Variants in COL23A1 observed in about 807,000 individuals in gnomAD.
COL23A1 encodes the protein collagen type XXIII alpha 1 chain.
COL23A1 carries 97 observed loss-of-function variants against 99.3 expected under a neutral mutation model. The ratio of observed to expected loss-of-function variants is 0.98; its 90% CI spans 0.83 to 1.16. The LOEUF (loss-of-function observed/expected upper bound fraction) is 1.16. Among genes scored for constraint, COL23A1 ranks in the 50% most tolerant of loss-of-function variants. The pLI, the probability that COL23A1 is intolerant of heterozygous loss-of-function variation, is 0.00. For synonymous variants in COL23A1, 320 were observed against 308.2 expected (o/e 1.04, Z -0.40); for missense variants, 762 against 757.4 (o/e 1.01, Z -0.07).
At chr5:178,258,440 A>G (rs775031447) in intron 12 of COL23A1, among the ~76,000 whole-genome samples, 25 of 117,280 alleles carry the variant, frequency 2.1e-4, no homozygotes, top group Non-Finnish European at 3.8e-4. Context: ...TCTGTCGCCC[A>G]GGTTGGAGTG....
At chr5:178,358,066 TTG>T (rs1203639754) in intron 2 of COL23A1, among the ~76,000 whole-genome samples, 3 of 141,500 alleles carry the variant, frequency 2.1e-5, no homozygotes, top group Non-Finnish European at 4.6e-5. Context: ...TGTATGTGTA[TTG>T]TGTGTATGTG....
At chr5:178,496,897 C>T (rs974415582) in intron 2 of COL23A1, among the ~76,000 whole-genome samples, 1 of 152,198 alleles carries the variant, frequency 6.6e-6, no homozygotes, top group Non-Finnish European at 1.5e-5. Flanking sequence ...ATAAAAAACA[C>T]AGTGACTAAT....
At chr5:178,465,920 G>C (rs1490274429) in intron 2 of COL23A1, among the ~76,000 whole-genome samples, 2 of 152,198 alleles carry the variant, frequency 1.3e-5, no homozygotes, top group African/African-American at 4.8e-5. Flanking sequence ...CGGATGGCGA[G>C]TCTAACTCAG....
chr5:178,402,855 T>C (rs1046104953), intron 2 of COL23A1, among the ~76,000 whole-genome samples: 2 of 151,930 alleles, frequency 1.3e-5, no homozygotes, highest in African/African-American at 4.8e-5. Flanking sequence ...ATTTGAAAAA[T>C]TCAGAAATAG....
chr5:178,502,404 T>C (rs1470394665), intron 2 of COL23A1, among the ~76,000 whole-genome samples: 1 of 152,366 alleles, frequency 6.6e-6, no homozygotes, highest in South Asian at 2.1e-4. Context: ...GTGCTGGGAT[T>C]ACAGGCGTGA....
At chr5:178,250,132 G>T in intron 17 of COL23A1, 27 bp from the exon 18 acceptor site, 1 of 1,613,906 alleles carries the variant, frequency 6.2e-7, no homozygotes, top group South Asian at 1.1e-5. Flanking sequence ...GGCAAGAGGG[G>T]TTATGCCTTC....
intron 25 of COL23A1, among the ~76,000 whole-genome samples, chr5:178,243,556 G>T (rs913022161): frequency 6.6e-6 from 1 of 152,060 alleles, no homozygotes. Flanking sequence ...TTGTTCACGT[G>T]TAACGGGGCA....
intron 2 of COL23A1, among the ~76,000 whole-genome samples, chr5:178,552,287 G>A (rs56187286): frequency 7.3e-4 from 111 of 152,230 alleles, no homozygotes; most frequent in Admixed American, 1.2e-3. Flanking sequence ...AAATAGGGTA[G>A]GAGAGACGAA....
chr5:178,443,018 T>C (rs1228634145), intron 2 of COL23A1: 1 of 152,242 alleles, frequency 6.6e-6, no homozygotes, highest in African/African-American at 2.4e-5. Flanking sequence ...CCTGAAAGGT[T>C]TGAAGCAGCT....
Position 178,310,190 on chromosome 5 carries a change from G to A in COL23A1, c.362-3271C>T, listed in dbSNP as rs1280024345. 1.3e-5 allele frequency among the ~76,000 whole-genome samples: 2 copies of A among 152,192 alleles called. No homozygotes were observed. Among genetic ancestry groups the A allele is most frequent in the African/African-American group, 2.4e-5 (1 of 41,446 alleles). On this transcript the variant is annotated intron_variant, in intron 2 of 28. Transcript: ENST00000390654. This position sits in a 1 kb window ranked among gnomAD's most constrained non-coding sequence, Gnocchi z 4.3. ...CGAGTGTGCCGGAGCTGCACTCCCT[G>A]CTGACTGTGGGCTCCCACTCCACTG...
chr5:178,438,963 T>G (rs1766713143), intron 2 of COL23A1: 1 of 152,212 alleles, frequency 6.6e-6, no homozygotes, highest in Non-Finnish European at 1.5e-5. Flanking sequence ...AGCACTTTAG[T>G]AGTTTGTAAA....
intron 16 of COL23A1, among the ~76,000 whole-genome samples, chr5:178,253,829 G>A (rs554294295): frequency 1.3e-5 from 2 of 152,050 alleles, no homozygotes; most frequent in African/African-American, 4.8e-5. Context: ...ATGGCTGCCC[G>A]CTGCCCATCA....
chr5:178,365,191 T>C lies in COL23A1; in HGVS notation c.362-58272A>G, dbSNP rs1217885483. On this transcript the variant is annotated intron_variant, in intron 2 of 28. Coordinates refer to ENST00000390654, the MANE Select transcript of COL23A1 (RefSeq NM_173465.4). This position sits in a 1 kb window ranked among gnomAD's most constrained non-coding sequence, Gnocchi z 5.2. ...TGTGTGATAAATAAGCAAAATTGTT[T>C]TCCTGGGACTCCATCCAGGAACATT... 6.6e-6 allele frequency among the ~76,000 whole-genome samples: 1 copy of C among 150,648 alleles called. No homozygotes were observed. The highest frequency in any genetic ancestry group is 1.5e-5 in the Non-Finnish European group (1 of 67,814).
intron 15 of COL23A1, 47 bp downstream of exon 15, chr5:178,256,306 C>G (rs748609400): frequency 5.5e-6 from 8 of 1,457,954 alleles, no homozygotes; most frequent in Non-Finnish European, 6.4e-6. Flanking sequence ...AGCTATGGGG[C>G]CCCTAGATCT....
At chr5:178,485,515 G>A (rs188616900) in intron 2 of COL23A1, among the ~76,000 whole-genome samples, 1 of 151,354 alleles carries the variant, frequency 6.6e-6, no homozygotes, top group Non-Finnish European at 1.5e-5. Flanking sequence ...GCTCATGCCT[G>A]TAATCCCAGC....
At chr5:178,450,396 C>T (rs1173065194) in intron 2 of COL23A1, among the ~76,000 whole-genome samples, 3 of 152,308 alleles carry the variant, frequency 2.0e-5, no homozygotes, top group East Asian at 1.9e-4. Flanking sequence ...CGTGCCACCC[C>T]GCCCTTTCCT....
At chr5:178,432,834 G>A (rs1051158565) in intron 2 of COL23A1, among the ~76,000 whole-genome samples, 1 of 152,056 alleles carries the variant, frequency 6.6e-6, no homozygotes, top group African/African-American at 2.4e-5. Context: ...CTGGGCACAG[G>A]CTCCCTTTCA....
chr5:178,263,131 G>T, intron 9 of COL23A1, 77 bp downstream of exon 9: 1 of 1,026,372 alleles, frequency 9.7e-7, no homozygotes, highest in Non-Finnish European at 1.6e-6. Context: ...ATGGGGATGG[G>T]GATGGGGCTG....
Position 178,330,572 on chromosome 5 carries a change from G to A in COL23A1, c.362-23653C>T, listed in dbSNP as rs1322631014. 1.3e-5 allele frequency among the ~76,000 whole-genome samples: 2 copies of A among 151,934 alleles called. 1 individual carries two copies. Among genetic ancestry groups the A allele is most frequent in the African/African-American group, 4.8e-5 (2 of 41,342 alleles). ...TGGAGGCTGAGGCAGAAGGATAGCT[G>A]GAGCTGAGGAGTTTGAGGTTGCAGT... On this transcript the variant is annotated intron_variant, in intron 2 of 28. Transcript: ENST00000390654.
Sources: allele counts gnomAD v4.1 joint callset (sites outside exome capture counted in the v4.1 genomes callset), GRCh38; gene constraint gnomAD v4.1.1; non-coding constraint Gnocchi (gnomAD v3.1); transcripts MANE v1.5; gene names NCBI Gene and HGNC (gene_info 2026-07-23, HGNC 2026-07-21).